RARB: variants seen among roughly 807,000 people sequenced by gnomAD.
RARB encodes HBV-activated protein.
A neutral mutation model predicts 51.9 loss-of-function variants in RARB; 17 were observed. The ratio of observed to expected loss-of-function variants is 0.33; its 90% CI spans 0.22 to 0.49. The LOEUF (loss-of-function observed/expected upper bound fraction) is 0.49. Among genes scored for constraint, RARB ranks in the 20% least tolerant of loss-of-function variants. The pLI is 0.99. For missense variants in RARB, 369 were observed against 550.8 expected, an observed-to-expected ratio of 0.67 and a Z score of 3.30; for synonymous variants, 215 against 195.4, an observed-to-expected ratio of 1.10 and a Z score of -0.84.
At chr3:25,099,612 AT>A (rs1699361079) in intron 3 of RARB, among the ~76,000 whole-genome samples, 1 of 44,422 alleles carries the variant, frequency 2.3e-5, no homozygotes, top group South Asian at 4.6e-4. Context: ...TATTTTCAGG[AT>A]TTAAAAAAAA....
chr3:25,563,866 G>T (rs927061796), intron 3 of RARB, among the ~76,000 whole-genome samples: 1 of 150,846 alleles, frequency 6.6e-6, no homozygotes, highest in African/African-American at 2.4e-5. Flanking sequence ...TTTCAAGCAA[G>T]AATAAATAGA....
chr3:25,259,151 T>G, intron 5 of RARB: 1 of 862,130 alleles, frequency 1.2e-6, no homozygotes, highest in Non-Finnish European at 1.4e-6. Context: ...TTTAATAATA[T>G]AGTAAATAGA....
At chr3:24,870,500 G>C (rs1478555446) in intron 2 of RARB, among the ~76,000 whole-genome samples, 4 of 151,990 alleles carry the variant, frequency 2.6e-5, no homozygotes, top group Non-Finnish European at 5.9e-5. Context: ...TATCAACACT[G>C]CTTTGTTTAA....
chr3:25,366,967 G>A (rs552666390), intron 5 of RARB, among the ~76,000 whole-genome samples: 8 of 152,120 alleles, frequency 5.3e-5, no homozygotes, highest in African/African-American at 9.6e-5. Flanking sequence ...GCAGAATGTC[G>A]TAAAGAAATT....
chr3:25,541,826 G>A (rs545760093), intron 3 of RARB, among the ~76,000 whole-genome samples: 10 of 152,214 alleles, frequency 6.6e-5, no homozygotes, highest in South Asian at 4.2e-4. Context: ...ACAACCCTCC[G>A]GCCCCTTCCT....
intron 3 of RARB, among the ~76,000 whole-genome samples, chr3:25,506,003 A>G (rs1697568600): frequency 1.3e-5 from 2 of 152,202 alleles, no homozygotes. Context: ...GTAAAGCCCT[A>G]GAAAGCCTGA....
chr3:25,364,951 G>T (rs1050159496), intron 5 of RARB, among the ~76,000 whole-genome samples: 2 of 152,000 alleles, frequency 1.3e-5, no homozygotes, highest in Non-Finnish European at 2.9e-5. Flanking sequence ...ACATATCTCA[G>T]TTGTATCATT....
At chr3:25,163,110 T>C (rs1388639513) in intron 4 of RARB, among the ~76,000 whole-genome samples, 1 of 152,174 alleles carries the variant, frequency 6.6e-6, no homozygotes, top group South Asian at 2.1e-4. Context: ...AAAACCCTAA[T>C]AGTGGGCTGA....
chr3:25,345,270 A>G (rs931834669), intron 5 of RARB, among the ~76,000 whole-genome samples: 2 of 152,190 alleles, frequency 1.3e-5, no homozygotes, highest in Admixed American at 6.5e-5. Flanking sequence ...TCCATGAAAA[A>G]GAAGCAACTG....
At chr3:24,849,113 T>G (rs1052025689) in intron 1 of RARB, among the ~76,000 whole-genome samples, 1 of 152,200 alleles carries the variant, frequency 6.6e-6, no homozygotes, top group Non-Finnish European at 1.5e-5. Context: ...TATATTATGT[T>G]TTTTCCTATA....
chr3:25,353,333 CG>C (rs1705633749), intron 5 of RARB, among the ~76,000 whole-genome samples: 1 of 152,078 alleles, frequency 6.6e-6, no homozygotes, highest in Non-Finnish European at 1.5e-5. Context: ...GAGTCTGCCA[CG>C]TAGTAGGGTG....
chr3:24,963,598 C>A (rs865817632), intron 2 of RARB, among the ~76,000 whole-genome samples: 1 of 151,738 alleles, frequency 6.6e-6, no homozygotes, highest in Non-Finnish European at 1.5e-5. Flanking sequence ...CCTGAAAAAC[C>A]TACTGGCCTT....
intron 2 of RARB, chr3:25,024,955 A>G (rs1406745309): frequency 7.2e-5 from 6 of 83,312 alleles, no homozygotes; most frequent in African/African-American, 2.7e-4. Context: ...CTCCGTCTCA[A>G]AAAAAAAAAA....
intron 5 of RARB, among the ~76,000 whole-genome samples, chr3:25,249,681 ATTTTTTT>A (rs775744919): frequency 4.2e-5 from 4 of 95,282 alleles, no homozygotes; most frequent in Non-Finnish European, 6.4e-5. Flanking sequence ...TCTCTGTATG[ATTTTTTT>A]TTTTTTTTTT....
chr3:25,039,306 G>A (rs921013470), intron 2 of RARB, among the ~76,000 whole-genome samples: 16 of 152,160 alleles, frequency 1.1e-4, no homozygotes, highest in Non-Finnish European at 5.9e-5. Flanking sequence ...AAACCTCAGT[G>A]GAAAATAAGC....
At chr3:25,085,311 A>C (rs1270163356) in intron 3 of RARB, among the ~76,000 whole-genome samples, 1 of 152,230 alleles carries the variant, frequency 6.6e-6, no homozygotes, top group East Asian at 1.9e-4. Flanking sequence ...AATCATTCTT[A>C]GGTTAGTCAA....
At chr3:24,992,593 G>A (rs1414675118) in intron 2 of RARB, among the ~76,000 whole-genome samples, 2 of 152,194 alleles carry the variant, frequency 1.3e-5, no homozygotes, top group African/African-American at 4.8e-5. Flanking sequence ...TGGCAGAAAA[G>A]TGTTTTCTCA....
At chr3:25,196,177 C>A (rs188957749) in intron 5 of RARB, among the ~76,000 whole-genome samples, 96 of 152,072 alleles carry the variant, frequency 6.3e-4, no homozygotes, top group Non-Finnish European at 1.1e-3. Context: ...CCCACTAATT[C>A]ATCATGTACA....
chr3:25,347,558 T>G (rs1024479477), intron 5 of RARB, among the ~76,000 whole-genome samples: 12 of 152,348 alleles, frequency 7.9e-5, no homozygotes, highest in Admixed American at 2.0e-4. Context: ...AAGTTCACTT[T>G]GTGCAAACTT....
Sources: allele counts gnomAD v4.1 joint callset (sites outside exome capture counted in the v4.1 genomes callset), GRCh38; gene constraint gnomAD v4.1.1; transcripts MANE v1.5; gene names NCBI Gene and HGNC (gene_info 2026-07-23, HGNC 2026-07-21).